The following ARHGAP30 variants were observed in gnomAD, a reference collection of about 807,000 sequenced individuals.
The protein encoded by ARHGAP30 is rho GTPase-activating protein 30.
In ARHGAP30, 23 loss-of-function variants were observed where a neutral mutation model predicts 72.0. That is an observed-to-expected ratio of 0.32 (90% CI 0.23 to 0.45). The LOEUF (loss-of-function observed/expected upper bound fraction) is 0.45. Among genes scored for constraint, ARHGAP30 ranks in the 20% least tolerant of loss-of-function variants. ARHGAP30 has a pLI of 1.00. For synonymous variants in ARHGAP30, 576 were observed against 528.2 expected (o/e 1.09, Z -1.24); for missense variants, 1,319 against 1,383.4 (o/e 0.95, Z 0.74).
rs1398820714 is a variant in ARHGAP30, at chr1:161,048,810, T to C, written c.2211A>G (p.Pro737=). 1 of 1,614,186 alleles carries C rather than the reference T, an allele frequency of 6.2e-7. No individual in the cohort carries two copies. The highest frequency in any genetic ancestry group is 8.5e-7 in the Non-Finnish European group (1 of 1,180,042). The change falls in exon 12 of 12, where the codon CCA becomes CCG. Residue 737 remains proline, a synonymous_variant. Transcript: ENST00000368013. The stretch of plus-strand genomic sequence containing the variant: ...TCTCATCTGTATACTCATCTCCTCC[T>C]GGTTCCTCCACACCTTTAGCCTCCA... ...DSMEAKGVEE[P]GGDEYTDEKE...
At chr1:161,067,113 G>A (rs912937328) in intron 1 of ARHGAP30, among the ~76,000 whole-genome samples, 1 of 151,980 alleles carries the variant, frequency 6.6e-6, no homozygotes. Flanking sequence ...GAGACAACAG[G>A]GTCACAGAGA....
At chr1:161,054,216 C>G in intron 5 of ARHGAP30, 150 bp downstream of exon 5, 1 of 696,710 alleles carries the variant, frequency 1.4e-6, no homozygotes, top group South Asian at 1.8e-5. Context: ...ATCCGACCCA[C>G]CATGATCTTG....
At chr1:161,059,843 A>C (rs775475720) in intron 1 of ARHGAP30, 127 bp from the exon 2 acceptor site, 324 of 749,786 alleles carry the variant, frequency 4.3e-4, no homozygotes, top group Non-Finnish European at 5.9e-4. Flanking sequence ...AAAACTTGTC[A>C]GAACAATTCT....
chr1:161,048,051 C>G lies in ARHGAP30; in HGVS notation c.2970G>C (p.Arg990Ser). 1 of 1,614,214 alleles carries G rather than the reference C, an allele frequency of 6.2e-7. No individual in the cohort carries two copies. The highest frequency in any genetic ancestry group is 1.1e-5 in the South Asian group (1 of 91,084). ...CATCAAAGGAAAGACTACCCCCATT[C>G]CTCCAAGAGGATCGAGAAGCTCGGG... ...WGSRASRSSWRNGGSLSFDAA... is the reference protein window; with the variant it reads ...WGSRASRSSWSNGGSLSFDAA... Residue 990 changes from arginine to serine, a missense_variant, in exon 12 of 12, where the codon AGG (arginine) becomes AGC (serine). By Grantham distance (110) the Arg-to-Ser change is moderately radical (BLOSUM62 -1). Around this residue, in one of 2 missense-constraint regions of ARHGAP30, gnomAD observed 1,097 missense variants for 1,045.2 expected, o/e 1.05. Coordinates refer to ENST00000368013, the MANE Select transcript of ARHGAP30 (RefSeq NM_001025598.2).
chr1:161,047,816 GCAGACTAAGACGACTCCGGGATC>G lies in ARHGAP30; in HGVS notation c.3182_3204del (p.Gly1061AlafsTer9). ...TCAGGAACCTGGGGTTCTCTGGGGG[GCAGACTAAGACGACTCCGGGATC>G]CAGACCCTTCTGCACCTTCAGATGG... On this transcript the variant is annotated frameshift_variant, in exon 12 of 12. Coordinates refer to ENST00000368013, the MANE Select transcript of ARHGAP30 (RefSeq NM_001025598.2). LOFTEE classifies it high-confidence loss of function. 1 of 1,608,514 alleles carries G rather than the reference GCAGACTAAGACGACTCCGGGATC, an allele frequency of 6.2e-7. No individual in the cohort carries two copies. The highest frequency in any genetic ancestry group is 8.5e-7 in the Non-Finnish European group (1 of 1,177,832).
At chr1:161,063,586 A>T (rs772632824) in intron 1 of ARHGAP30, among the ~76,000 whole-genome samples, 1 of 152,252 alleles carries the variant, frequency 6.6e-6, no homozygotes, top group Non-Finnish European at 1.5e-5. Flanking sequence ...TTTGAGCAAT[A>T]TGAAATGTGG....
rs1374865088 is a variant in ARHGAP30 at position 161,048,674 on chromosome 1, A to G, written c.2347T>C (p.Trp783Arg). The G allele has an allele frequency of 2.5e-6, 4 of 1,612,744 alleles. No homozygotes were observed. Among genetic ancestry groups the G allele is most frequent in the Non-Finnish European group, 3.4e-6 (4 of 1,179,696 alleles). ...GCCTCTTGTTTCTGTACAACTTCCC[A>G]TTTCTCCTCAGCAACTTGATCTTCC... Reference protein sequence around the residue: ...AQEDQVAEEKWEVVQKQEAEG... With the variant: ...AQEDQVAEEKREVVQKQEAEG... The change falls in exon 12 of 12, where the codon TGG (tryptophan) becomes CGG (arginine). Residue 783 changes from tryptophan to arginine, a missense_variant. This residue lies in a region of ARHGAP30 where 1,097 missense variants were observed against 1,045.2 expected (regional missense o/e 1.05). Transcript: ENST00000368013.
chr1:161,055,193 G>A (rs564242242), intron 3 of ARHGAP30, among the ~76,000 whole-genome samples: 1 of 152,116 alleles, frequency 6.6e-6, no homozygotes, highest in African/African-American at 2.4e-5. Flanking sequence ...ATGTGTTTTC[G>A]CATTTAAAAG....
rs1650928965 is a variant in ARHGAP30 at position 161,047,444 on chromosome 1, A to G, written c.*271T>C. 1 of 295,868 alleles carries G rather than the reference A, an allele frequency of 3.4e-6. No individual in the cohort carries two copies. Among genetic ancestry groups the G allele is most frequent in the East Asian group, 5.8e-5 (1 of 17,354 alleles). 18.3% of individuals were successfully genotyped at this position (295,868 alleles called of 1,614,324 possible). A position where few individuals can be genotyped will look rare whatever the true frequency, so the allele number is the denominator to read the frequency against. On this transcript the variant is annotated 3_prime_UTR_variant, in exon 12 of 12. Transcript: ENST00000368013. Reference sequence around the variant, plus strand: ...CTCTTTTAAGTTTTCTGCCTACCTTATGTTCCCTTTGGCCAATGACCCACT... The same window carrying G: ...CTCTTTTAAGTTTTCTGCCTACCTTGTGTTCCCTTTGGCCAATGACCCACT...
rs371330926 is a variant in ARHGAP30 at position 161,047,695 on chromosome 1, G to A, written c.*20C>T. Reference sequence around the variant, plus strand: ...TCAAGACAACTTGCTGGTCCCCTTTGCCCAGGGCTGTGGTCCTAATCACAG... The same window carrying A: ...TCAAGACAACTTGCTGGTCCCCTTTACCCAGGGCTGTGGTCCTAATCACAG... On this transcript the variant is annotated 3_prime_UTR_variant, in exon 12 of 12. Transcript: ENST00000368013. The A allele has an allele frequency of 6.6e-7, 1 of 1,506,436 alleles. No individual in the cohort carries two copies. The highest frequency in any genetic ancestry group is 8.9e-7 in the Non-Finnish European group (1 of 1,128,122). The allele number at this position is 1,506,436 out of a possible 1,614,324, so 93.3% of individuals were successfully genotyped here. A position where few individuals can be genotyped will look rare whatever the true frequency, so the allele number is the denominator to read the frequency against.
At chr1:161,055,809 A>T (rs56255528) in intron 3 of ARHGAP30, among the ~76,000 whole-genome samples, 6,684 of 48,082 alleles carry the variant, frequency 0.14, 478 homozygotes, top group African/African-American at 0.33. Flanking sequence ...TAAAATAATA[A>T]AATAAAATAA....
chr1:161,062,845 G>A (rs970828012), intron 1 of ARHGAP30, among the ~76,000 whole-genome samples: 7 of 150,016 alleles, frequency 4.7e-5, no homozygotes, highest in African/African-American at 1.2e-4. Flanking sequence ...ACGGAGTTTC[G>A]CTCTTGTTGC....
At chr1:161,064,846 A>AGG (rs1491271137) in intron 1 of ARHGAP30, among the ~76,000 whole-genome samples, 1 of 79,946 alleles carries the variant, frequency 1.3e-5, no homozygotes, top group African/African-American at 4.2e-5. Flanking sequence ...AGAAAGAAAG[A>AGG]AAGGAAAGGA....
chr1:161,055,856 T>TAAATAAAATA (rs1304261981), intron 3 of ARHGAP30, among the ~76,000 whole-genome samples: 4 of 19,892 alleles, frequency 2.0e-4, no homozygotes, highest in Non-Finnish European at 4.7e-4. Flanking sequence ...TAAAATAAAA[T>TAAATAAAATA]AAATAAAATA....
chr1:161,047,375 G>C lies in ARHGAP30; in HGVS notation c.*340C>G, dbSNP rs1650923174. The C allele has an allele frequency of 5.6e-6, 1 of 179,668 alleles. No individual in the cohort carries two copies. The highest frequency in any genetic ancestry group is 1.2e-5 in the Non-Finnish European group (1 of 85,676). The allele number at this position is 179,668 out of a possible 1,614,324, so 11.1% of individuals were successfully genotyped here. Reference sequence around the variant, plus strand: ...TGGCTTTCATGAAGAGAGATTCACAGCTCAGAGGAAGGGAGGAATTTCTCC... The same window carrying C: ...TGGCTTTCATGAAGAGAGATTCACACCTCAGAGGAAGGGAGGAATTTCTCC... On this transcript the variant is annotated 3_prime_UTR_variant, in exon 12 of 12. Coordinates refer to ENST00000368013, the MANE Select transcript of ARHGAP30 (RefSeq NM_001025598.2).
At chr1:161,066,644 C>CAAAAAAAAAAA (rs60662116) in intron 1 of ARHGAP30, among the ~76,000 whole-genome samples, 2 of 75,084 alleles carry the variant, frequency 2.7e-5, no homozygotes, top group South Asian at 1.1e-3. Context: ...GACTGCATCT[C>CAAAAAAAAAAA]AAAAAAAAAA....
In ARHGAP30 at chr1:161,048,894, A is replaced by G. The variant is rs1651112962; in HGVS notation, c.2127T>C (p.Ser709=). ...CTTCCTTGGCCTCTGTCTCTTCCCT[A>G]CTCCCTTCTCTCAATCTGACTTTTG... ...QETKVRLREG[S]REETEAKEEK... The change falls in exon 12 of 12, where the codon AGT becomes AGC. Residue 709 remains serine (S), a synonymous_variant. Transcript: ENST00000368013. 6.2e-7 allele frequency: 1 copy of G among 1,608,546 alleles called. No homozygotes were observed. The highest frequency in any genetic ancestry group is 1.1e-5 in the South Asian group (1 of 90,830).
chr1:161,053,525 C>T, intron 5 of ARHGAP30, 140 bp from the exon 6 acceptor site: 1 of 1,077,366 alleles, frequency 9.3e-7, no homozygotes. Context: ...TTAACCCCTT[C>T]TCTACCTCTT....
chr1:161,060,631 G>A (rs1338013510), intron 1 of ARHGAP30, among the ~76,000 whole-genome samples: 1 of 146,172 alleles, frequency 6.8e-6, no homozygotes, highest in Non-Finnish European at 1.5e-5. Flanking sequence ...AAAGAAACTT[G>A]TCTGTAATTA....
Sources: gnomAD v4.1 joint callset for allele counts (sites outside exome capture counted in the v4.1 genomes callset) on GRCh38, gnomAD v4.1.1 for gene constraint, gnomAD v4.1.1 regional missense constraint, MANE v1.5 for transcripts, NCBI Gene and HGNC (gene_info 2026-07-23, HGNC 2026-07-21) for gene names.